The following MAPK14 variants were observed in gnomAD, a reference collection of about 807,000 sequenced individuals.
MAPK14 encodes CSAID-binding protein.
A neutral mutation model predicts 49.6 loss-of-function variants in MAPK14; 16 were observed. The observed-to-expected ratio is 0.32, with a 90% CI of 0.22 to 0.49. The LOEUF is 0.49. Among genes scored for constraint, MAPK14 ranks in the 20% least tolerant of loss-of-function variants. The pLI, the probability that MAPK14 is intolerant of heterozygous loss-of-function variation, is 0.99. For synonymous variants in MAPK14, 142 were observed against 158.0 expected, an observed-to-expected ratio of 0.90 and a Z score of 0.76; for missense variants, 200 against 441.2, an observed-to-expected ratio of 0.45 and a Z score of 4.90.
chr6:36,053,956 T>C, intron 2 of MAPK14, among the ~76,000 whole-genome samples: 1 of 152,168 alleles, frequency 6.6e-6, no homozygotes, highest in Non-Finnish European at 1.5e-5. Flanking sequence ...ACAGACAACT[T>C]CTATTCCTGA....
rs151005440 is a variant in MAPK14 at position 36,087,076 on chromosome 6, C to T, written c.683-8911C>T. ...ATTATCTCAATGGATGCAGAAAAGG[C>T]CTTTAATAAAATTCAACATCCCTTC... On this transcript the variant is annotated intron_variant, in intron 8 of 11. Coordinates refer to ENST00000229794, the MANE Select transcript of MAPK14 (RefSeq NM_139012.3). Among the ~76,000 whole-genome samples the T allele has an allele frequency of 2.2e-3, 332 of 152,222 alleles. 2 individuals carry two copies. The highest frequency in any genetic ancestry group is 7.6e-3 in the African/African-American group (315 of 41,540).
intron 8 of MAPK14, chr6:36,091,844 C>CTTTTTTTTTTT (rs1185804651): frequency 2.3e-4 from 29 of 124,780 alleles, no homozygotes; most frequent in Non-Finnish European, 3.1e-4. Flanking sequence ...CTTTTCTTTT[C>CTTTTTTTTTTT]TTTTTTTTTT....
At chr6:36,041,274 T>A (rs1287778047) in intron 1 of MAPK14, among the ~76,000 whole-genome samples, 1 of 152,090 alleles carries the variant, frequency 6.6e-6, no homozygotes, top group African/African-American at 2.4e-5. Flanking sequence ...AGATTTTTCC[T>A]TGTGTTTCTC....
intron 1 of MAPK14, among the ~76,000 whole-genome samples, chr6:36,033,824 G>A (rs527488555): frequency 2.0e-5 from 3 of 152,212 alleles, no homozygotes; most frequent in Non-Finnish European, 4.4e-5. Context: ...AGAATTCACT[G>A]GGGTAGATCA....
intron 8 of MAPK14, among the ~76,000 whole-genome samples, chr6:36,077,218 C>G (rs1764568152): frequency 6.6e-6 from 1 of 152,086 alleles, no homozygotes; most frequent in Non-Finnish European, 1.5e-5. Context: ...ATTATAGCCC[C>G]TTTATTTTAG....
rs1764425522 is a variant in MAPK14 at position 36,074,171 on chromosome 6, T to C, written c.495+75T>C. On this transcript the variant is annotated intron_variant, in intron 6 of 11. Transcript: ENST00000229794. Reference sequence around the variant, plus strand: ...GTTTGACTAAGCAGGCAGACTTTCTTAGGGAGTAGCTTTGTGAGCCATGAC... The same window carrying C: ...GTTTGACTAAGCAGGCAGACTTTCTCAGGGAGTAGCTTTGTGAGCCATGAC... 4.5e-6 allele frequency: 5 copies of C among 1,114,768 alleles called. No individual in the cohort carries two copies. The Admixed American group carries it at 9.2e-5, about 20-fold the overall frequency. The allele number at this position is 1,114,768 out of a possible 1,614,324, so 69.1% of individuals were successfully genotyped here. A position where few individuals can be genotyped will look rare whatever the true frequency, so the allele number is the denominator to read the frequency against.
intron 3 of MAPK14, among the ~76,000 whole-genome samples, chr6:36,062,399 G>C (rs1000246885): frequency 1.3e-5 from 2 of 152,326 alleles, no homozygotes; most frequent in African/African-American, 4.8e-5. Flanking sequence ...ATGAGGTTCA[G>C]TGTTACACAA....
intron 10 of MAPK14, among the ~76,000 whole-genome samples, chr6:36,103,739 A>G (rs1275435423): frequency 6.6e-6 from 1 of 152,196 alleles, no homozygotes; most frequent in Non-Finnish European, 1.5e-5. Flanking sequence ...GACAGTGGAC[A>G]GTGCTGTTTA....
At chr6:36,098,374 T>A (rs1049343967) in intron 9 of MAPK14, among the ~76,000 whole-genome samples, 1 of 152,050 alleles carries the variant, frequency 6.6e-6, no homozygotes, top group Non-Finnish European at 1.5e-5. Context: ...GAAAATCATA[T>A]TAAGAAAGCA....
chr6:36,097,905 G>T (rs1210857864), intron 9 of MAPK14: 1 of 127,044 alleles, frequency 7.9e-6, no homozygotes, highest in Non-Finnish European at 1.9e-5. Context: ...ATAAGAATAA[G>T]AAAGGTTTTT....
chr6:36,123,959 G>T, the MAPK14 span, among the ~76,000 whole-genome samples: 1 of 151,968 alleles, frequency 6.6e-6, no homozygotes, highest in Non-Finnish European at 1.5e-5. Flanking sequence ...AACCCAGAAG[G>T]CTGGCTGAGA....
intron 3 of MAPK14, among the ~76,000 whole-genome samples, chr6:36,067,926 G>T (rs559145071): frequency 1.3e-5 from 2 of 151,892 alleles, no homozygotes; most frequent in African/African-American, 4.8e-5. Flanking sequence ...TGTCCTCCAC[G>T]AACATTGTAC....
intron 8 of MAPK14, among the ~76,000 whole-genome samples, chr6:36,084,104 A>G (rs1764878405): frequency 6.6e-6 from 1 of 152,212 alleles, no homozygotes; most frequent in African/African-American, 2.4e-5. Flanking sequence ...CAGCAGCCCT[A>G]TGGAAGAGGG....
At chr6:36,066,268 C>T (rs1409850014) in intron 3 of MAPK14, among the ~76,000 whole-genome samples, 1 of 152,128 alleles carries the variant, frequency 6.6e-6, no homozygotes, top group Non-Finnish European at 1.5e-5. Flanking sequence ...TATTTCTCAT[C>T]ACATTTTTCT....
intron 1 of MAPK14, among the ~76,000 whole-genome samples, chr6:36,031,335 TA>T: frequency 6.6e-6 from 1 of 152,080 alleles, no homozygotes; most frequent in Non-Finnish European, 1.5e-5. Context: ...TTTCAATGAG[TA>T]CCTTTTTAGG....
rs905689994 is a variant in MAPK14 at position 36,092,487 on chromosome 6, T to C, written c.683-3500T>C. 8.4e-5 allele frequency: 50 copies of C among 594,428 alleles called. No individual in the cohort carries two copies. The Admixed American group carries it at 1.1e-3, about 13-fold the overall frequency. 36.8% of individuals were successfully genotyped at this position (594,428 alleles called of 1,614,324 possible). A position where few individuals can be genotyped will look rare whatever the true frequency, so the allele number is the denominator to read the frequency against. On this transcript the variant is annotated intron_variant, in intron 8 of 11. Coordinates refer to ENST00000229794, the MANE Select transcript of MAPK14 (RefSeq NM_139012.3). Reference sequence around the variant, plus strand: ...CGCTACATCATCACCAGTCTGTTCTTTCCTGGTTGTATGTTTCACTGAGTC... The same window carrying C: ...CGCTACATCATCACCAGTCTGTTCTCTCCTGGTTGTATGTTTCACTGAGTC...
intron 8 of MAPK14, among the ~76,000 whole-genome samples, chr6:36,079,044 A>G (rs560512387): frequency 1.9e-4 from 29 of 152,370 alleles, no homozygotes; most frequent in African/African-American, 6.7e-4. Context: ...GAGTACAACT[A>G]GAGTTTAACC....
chr6:36,037,897 A>AG (rs1352064709), intron 1 of MAPK14, among the ~76,000 whole-genome samples: 2 of 151,842 alleles, frequency 1.3e-5, no homozygotes, highest in Non-Finnish European at 2.9e-5. Flanking sequence ...GCTGAGGTGG[A>AG]GGGATTGCTT....
chr6:36,079,131 A>G (rs1764645179), intron 8 of MAPK14, among the ~76,000 whole-genome samples: 1 of 152,190 alleles, frequency 6.6e-6, no homozygotes, highest in Admixed American at 6.5e-5. Context: ...AAAAGTACCA[A>G]TGAGATCAGA....
Sources: allele counts gnomAD v4.1 joint callset (sites outside exome capture counted in the v4.1 genomes callset), GRCh38; gene constraint gnomAD v4.1.1; transcripts MANE v1.5; gene names NCBI Gene and HGNC (gene_info 2026-07-23, HGNC 2026-07-21).